Variants in MVB12B observed in about 807,000 individuals in gnomAD.
MVB12B encodes the protein ESCRT-I complex subunit MVB12B.
A neutral mutation model predicts 41.6 loss-of-function variants in MVB12B; 16 were observed. That is an observed-to-expected ratio of 0.38 (90% CI 0.26 to 0.58). The LOEUF (loss-of-function observed/expected upper bound fraction) is 0.58. Among genes scored for constraint, MVB12B ranks in the 20% least tolerant of loss-of-function variants. The pLI is 0.62. For missense variants in MVB12B, 274 were observed against 380.2 expected (o/e 0.72, Z 2.32); for synonymous variants, 133 against 139.7 (o/e 0.95, Z 0.34).
intron 9 of MVB12B, among the ~76,000 whole-genome samples, chr9:126,487,522 G>T (rs1833645234): frequency 1.3e-5 from 2 of 152,220 alleles, no homozygotes; most frequent in South Asian, 4.1e-4. Flanking sequence ...CACTTTGGAA[G>T]GCTGAGGCAA....
chr9:126,395,878 A>G lies in MVB12B; in HGVS notation c.662+181A>G. 2 of 1,420,414 alleles carry G rather than the reference A, an allele frequency of 1.4e-6. No individual in the cohort carries two copies. The highest frequency in any genetic ancestry group is 2.6e-5 in the East Asian group (1 of 39,176). The allele number at this position is 1,420,414 out of a possible 1,614,324, so 88.0% of individuals were successfully genotyped here. A position where few individuals can be genotyped will look rare whatever the true frequency, so the allele number is the denominator to read the frequency against. On this transcript the variant is annotated intron_variant, in intron 6 of 9. Coordinates refer to ENST00000361171, the MANE Select transcript of MVB12B (RefSeq NM_033446.3). This position sits in a 1 kb window ranked among gnomAD's most constrained non-coding sequence, Gnocchi z 4.9. ...ACTTGGAAATCTTTGCATTACATGA[A>G]TGCAAAGGCCATTCTATAGTCTATT...
chr9:126,421,789 A>C lies in MVB12B; in HGVS notation c.663-65A>C. 3.2e-6 allele frequency: 4 copies of C among 1,240,736 alleles called. No individual in the cohort carries two copies. In the South Asian group the frequency reaches 4.8e-5, roughly 15 times the overall value. 76.9% of individuals were successfully genotyped at this position (1,240,736 alleles called of 1,614,324 possible). A position where few individuals can be genotyped will look rare whatever the true frequency, so the allele number is the denominator to read the frequency against. On this transcript the variant is annotated intron_variant, in intron 6 of 9. Coordinates refer to ENST00000361171, the MANE Select transcript of MVB12B (RefSeq NM_033446.3). The stretch of plus-strand genomic sequence containing the variant: ...CTGCATTTCAGCTGTTGATGGCGTC[A>C]GTGCTTCCTGAGTCTTGGGGAATGC...
At chr9:126,463,473 C>T (rs117804151) in intron 7 of MVB12B, among the ~76,000 whole-genome samples, 1 of 152,292 alleles carries the variant, frequency 6.6e-6, no homozygotes, top group East Asian at 1.9e-4. Flanking sequence ...TGACCTGGTT[C>T]GAATGCACTC....
intron 9 of MVB12B, among the ~76,000 whole-genome samples, chr9:126,489,407 G>T (rs1366681616): frequency 6.6e-6 from 1 of 152,260 alleles, no homozygotes; most frequent in Non-Finnish European, 1.5e-5. Flanking sequence ...AGATGTAGCT[G>T]CCCTGCTCTT....
chr9:126,378,630 G>GTCTCTC (rs147449615), intron 2 of MVB12B, among the ~76,000 whole-genome samples: 12 of 147,326 alleles, frequency 8.1e-5, no homozygotes, highest in African/African-American at 3.0e-4. Context: ...TCTCTTCTCT[G>GTCTCTC]TCTCTCTCTC....
chr9:126,497,840 T>C (rs1833870199), intron 9 of MVB12B, among the ~76,000 whole-genome samples: 1 of 152,176 alleles, frequency 6.6e-6, no homozygotes, highest in South Asian at 2.1e-4. Flanking sequence ...GAAGAAGACG[T>C]GCAGGGTTTC....
intron 7 of MVB12B, among the ~76,000 whole-genome samples, chr9:126,450,142 A>C (rs766153433): frequency 3.9e-5 from 6 of 152,286 alleles, no homozygotes; most frequent in Non-Finnish European, 7.4e-5. Context: ...CCTATGCCCA[A>C]AGCCTGGGAG....
At chr9:126,496,709 G>A (rs1412959043) in intron 9 of MVB12B, among the ~76,000 whole-genome samples, 1 of 152,118 alleles carries the variant, frequency 6.6e-6, no homozygotes, top group African/African-American at 2.4e-5. Context: ...TGGGAGAGGA[G>A]AGAGAACCAT....
intron 1 of MVB12B, among the ~76,000 whole-genome samples, chr9:126,337,375 T>C (rs904764220): frequency 6.6e-6 from 1 of 152,218 alleles, no homozygotes; most frequent in Admixed American, 6.5e-5. Context: ...GAGGGGAATG[T>C]TGAATCTTGA....
chr9:126,341,937 C>T (rs1181805056), intron 2 of MVB12B, among the ~76,000 whole-genome samples: 1 of 152,176 alleles, frequency 6.6e-6, no homozygotes, highest in Non-Finnish European at 1.5e-5. Context: ...GCTACACATC[C>T]CTTCTCCAAC....
At chr9:126,344,556 G>A (rs1308221344) in intron 2 of MVB12B, among the ~76,000 whole-genome samples, 1 of 152,190 alleles carries the variant, frequency 6.6e-6, no homozygotes, top group African/African-American at 2.4e-5. Flanking sequence ...CCCATGGCTG[G>A]GTTCAGCTCC....
At chr9:126,421,664 C>A (rs552149795) in intron 6 of MVB12B, among the ~76,000 whole-genome samples, 190 bp from the exon 7 acceptor site, 5 of 152,202 alleles carry the variant, frequency 3.3e-5, no homozygotes, top group African/African-American at 1.2e-4. Flanking sequence ...TGTCTAGAAA[C>A]TTCCAAATTC....
chr9:126,341,567 G>T (rs1408857968), intron 2 of MVB12B, among the ~76,000 whole-genome samples: 1 of 152,194 alleles, frequency 6.6e-6, no homozygotes, highest in East Asian at 1.9e-4. Flanking sequence ...CTGATGTCCT[G>T]CAGTGAGGAG....
intron 9 of MVB12B, among the ~76,000 whole-genome samples, chr9:126,495,274 C>T (rs1564351817): frequency 6.6e-6 from 1 of 151,842 alleles, no homozygotes; most frequent in Non-Finnish European, 1.5e-5. Context: ...TGACGGTGCA[C>T]AGCCCTGCCC....
intron 7 of MVB12B, among the ~76,000 whole-genome samples, chr9:126,462,136 C>A (rs1833103528): frequency 6.6e-6 from 1 of 152,202 alleles, no homozygotes; most frequent in African/African-American, 2.4e-5. Flanking sequence ...TGACAAACTG[C>A]TCGATAGATA....
intron 7 of MVB12B, among the ~76,000 whole-genome samples, chr9:126,475,692 A>G (rs1833406204): frequency 1.3e-5 from 2 of 151,926 alleles, no homozygotes; most frequent in Non-Finnish European, 2.9e-5. Context: ...ATGGGATCCT[A>G]TCACCTCCTC....
At chr9:126,407,641 A>C (rs2119043554) in intron 6 of MVB12B, among the ~76,000 whole-genome samples, 1 of 152,120 alleles carries the variant, frequency 6.6e-6, no homozygotes, top group African/African-American at 2.4e-5. Flanking sequence ...ACGCCCTCAC[A>C]ACCCAGTTCT....
intron 1 of MVB12B, among the ~76,000 whole-genome samples, chr9:126,332,730 C>G (rs528654709): frequency 5.6e-4 from 85 of 152,146 alleles, no homozygotes; most frequent in African/African-American, 1.9e-3. Context: ...GTGCCCTCTC[C>G]CCTTTATGTG....
intron 6 of MVB12B, among the ~76,000 whole-genome samples, chr9:126,419,875 C>T (rs1049497175): frequency 9.9e-5 from 15 of 152,206 alleles, no homozygotes; most frequent in Non-Finnish European, 2.2e-4. Context: ...AGCAAGTTCC[C>T]AGGTGACTGA....
Sources: allele counts gnomAD v4.1 joint callset (sites outside exome capture counted in the v4.1 genomes callset), GRCh38; gene constraint gnomAD v4.1.1; non-coding constraint Gnocchi (gnomAD v3.1); transcripts MANE v1.5; gene names NCBI Gene and HGNC (gene_info 2026-07-23, HGNC 2026-07-21).